ZBTB20: variants seen among roughly 807,000 people sequenced by gnomAD.
ZBTB20 encodes zinc finger and BTB domain containing 20, also known as zinc finger and BTB domain-containing protein 20.
ZBTB20 carries 9 observed loss-of-function variants against 56.9 expected under a neutral mutation model. The observed-to-expected ratio is 0.16, with a 90% CI of 0.10 to 0.28. The LOEUF (loss-of-function observed/expected upper bound fraction) is 0.28. Among genes scored for constraint, ZBTB20 ranks in the 10% least tolerant of loss-of-function variants. The pLI is 1.00. For synonymous variants in ZBTB20, 417 were observed against 420.7 expected (o/e 0.99, Z 0.11); for missense variants, 655 against 1,003.0 (o/e 0.65, Z 4.69).
chr3:114,614,076 C>T (rs972236249), intron 6 of ZBTB20, among the ~76,000 whole-genome samples: 3 of 152,142 alleles, frequency 2.0e-5, no homozygotes, highest in Admixed American at 6.5e-5. Flanking sequence ...GTAGAATCTA[C>T]GTAGTCTTCA....
chr3:114,918,362 C>A (rs551223522), intron 3 of ZBTB20, among the ~76,000 whole-genome samples: 1 of 151,996 alleles, frequency 6.6e-6, no homozygotes, highest in Non-Finnish European at 1.5e-5. Context: ...AACACTATGG[C>A]CAAGCTAGCA....
At chr3:114,761,414 G>A (rs1272317030) in intron 5 of ZBTB20, among the ~76,000 whole-genome samples, 1 of 152,136 alleles carries the variant, frequency 6.6e-6, no homozygotes, top group Non-Finnish European at 1.5e-5. Context: ...CTCACAAGTA[G>A]AGAAGCTAGA....
At chr3:114,348,946 T>C (rs975820395) in intron 11 of ZBTB20, among the ~76,000 whole-genome samples, 3 of 152,176 alleles carry the variant, frequency 2.0e-5, no homozygotes, top group African/African-American at 7.2e-5. Flanking sequence ...ATGCCTGTAA[T>C]CTCATAACTT....
chr3:114,460,100 C>A (rs904840259), intron 7 of ZBTB20, among the ~76,000 whole-genome samples: 1 of 152,138 alleles, frequency 6.6e-6, no homozygotes, highest in African/African-American at 2.4e-5. Context: ...CCCAGTCTGT[C>A]TGTCCCTGGT....
chr3:114,390,254 T>C (rs2085709849), intron 7 of ZBTB20, among the ~76,000 whole-genome samples: 1 of 152,234 alleles, frequency 6.6e-6, no homozygotes, highest in Non-Finnish European at 1.5e-5. Flanking sequence ...GATTCATCCA[T>C]GTTCTTGCAA....
At chr3:115,012,476 G>A (rs986400103) in intron 2 of ZBTB20, among the ~76,000 whole-genome samples, 11 of 151,606 alleles carry the variant, frequency 7.3e-5, no homozygotes, top group African/African-American at 2.7e-4. Flanking sequence ...AGACAAAGAA[G>A]GTCACCACAT....
chr3:114,651,614 C>T (rs2060137743), intron 6 of ZBTB20, among the ~76,000 whole-genome samples: 1 of 148,544 alleles, frequency 6.7e-6, no homozygotes, highest in South Asian at 2.1e-4. Context: ...AGTTTTAAAC[C>T]TAGAGTTTGA....
chr3:114,923,762 A>G (rs2107769278), intron 3 of ZBTB20, among the ~76,000 whole-genome samples: 1 of 152,300 alleles, frequency 6.6e-6, no homozygotes, highest in East Asian at 1.9e-4. Flanking sequence ...AAAGGAAACA[A>G]AAACTGAGAA....
intron 6 of ZBTB20, among the ~76,000 whole-genome samples, chr3:114,601,556 G>A (rs2056760460): frequency 6.6e-6 from 1 of 151,756 alleles, no homozygotes; most frequent in Non-Finnish European, 1.5e-5. Context: ...AAGTATCTCA[G>A]AAAAGGGCAA....
chr3:114,995,938 C>A (rs1560474484), intron 2 of ZBTB20, among the ~76,000 whole-genome samples: 1 of 151,630 alleles, frequency 6.6e-6, no homozygotes, highest in African/African-American at 2.4e-5. Context: ...CCCAACTTTT[C>A]AAAATAAAAT....
At chr3:114,488,276 G>T (rs2042360357) in intron 7 of ZBTB20, among the ~76,000 whole-genome samples, 1 of 152,234 alleles carries the variant, frequency 6.6e-6, no homozygotes, top group Admixed American at 6.5e-5. Context: ...TGCCTTTGCA[G>T]TAAAGAATGA....
At chr3:114,491,289 G>A (rs948768203) in intron 7 of ZBTB20, among the ~76,000 whole-genome samples, 1 of 152,186 alleles carries the variant, frequency 6.6e-6, no homozygotes, top group Non-Finnish European at 1.5e-5. Flanking sequence ...TGACAGAGCA[G>A]ATAGGTATCA....
At chr3:114,742,055 T>C (rs1231644119) in intron 5 of ZBTB20, among the ~76,000 whole-genome samples, 1 of 151,978 alleles carries the variant, frequency 6.6e-6, no homozygotes, top group Non-Finnish European at 1.5e-5. Flanking sequence ...CAGAAAAAAA[T>C]AGCAATCAAG....
intron 4 of ZBTB20, among the ~76,000 whole-genome samples, chr3:114,877,934 T>C (rs1266725349): frequency 6.6e-6 from 1 of 152,116 alleles, no homozygotes; most frequent in African/African-American, 2.4e-5. Flanking sequence ...TAAAGGAAGG[T>C]ATAAAAACCA....
At chr3:114,989,964 CTT>C (rs1269822555) in intron 2 of ZBTB20, among the ~76,000 whole-genome samples, 1 of 152,156 alleles carries the variant, frequency 6.6e-6, no homozygotes, top group Non-Finnish European at 1.5e-5. Context: ...TATCCTGAGA[CTT>C]TGCTGAAGTT....
chr3:114,486,274 G>A (rs1352054064), intron 7 of ZBTB20, among the ~76,000 whole-genome samples: 2 of 151,682 alleles, frequency 1.3e-5, no homozygotes, highest in East Asian at 1.9e-4. Flanking sequence ...AAACACATAG[G>A]TTACTAGGAG....
chr3:114,745,115 A>T (rs1156877232), intron 5 of ZBTB20, among the ~76,000 whole-genome samples: 1 of 152,152 alleles, frequency 6.6e-6, no homozygotes, highest in Non-Finnish European at 1.5e-5. Flanking sequence ...TATTTTGTCT[A>T]CTGGGCTATT....
intron 2 of ZBTB20, among the ~76,000 whole-genome samples, chr3:115,047,591 T>C (rs921576463): frequency 1.3e-5 from 2 of 152,212 alleles, no homozygotes; most frequent in Non-Finnish European, 2.9e-5. Flanking sequence ...GATGTATTTT[T>C]GTGAATTGGA....
At chr3:114,815,552 C>T (rs1162829944) in intron 4 of ZBTB20, among the ~76,000 whole-genome samples, 1 of 152,144 alleles carries the variant, frequency 6.6e-6, no homozygotes, top group Admixed American at 6.5e-5. Flanking sequence ...GGAAATATTT[C>T]AAGTATTTCT....
Sources: allele counts gnomAD v4.1 joint callset (sites outside exome capture counted in the v4.1 genomes callset), GRCh38; gene constraint gnomAD v4.1.1; transcripts MANE v1.5; gene names NCBI Gene and HGNC (gene_info 2026-07-23, HGNC 2026-07-21).